ATP8B1: variants seen among roughly 807,000 people sequenced by gnomAD.
ATP8B1 encodes the protein ATPase phospholipid transporting 8B1.
Under a neutral mutation model 149.9 loss-of-function variants are expected in ATP8B1, and 80 were observed. The ratio of observed to expected loss-of-function variants is 0.53; its 90% CI spans 0.45 to 0.64. The LOEUF (loss-of-function observed/expected upper bound fraction) is 0.64. ATP8B1 is among the 30% of genes least tolerant of loss of function. The pLI, the probability that ATP8B1 is intolerant of heterozygous loss-of-function variation, is 0.00. For missense variants in ATP8B1, 1,247 were observed against 1,552.6 expected (o/e 0.80, Z 3.31); for synonymous variants, 536 against 562.8 (o/e 0.95, Z 0.67).
In ATP8B1 at chr18:57,802,415, G is replaced by A. The variant is rs1297039732; in HGVS notation, c.-26+583C>T. Among the ~76,000 whole-genome samples the A allele has an allele frequency of 1.3e-5, 2 of 152,098 alleles. No homozygotes were observed. Among genetic ancestry groups the A allele is most frequent in the African/African-American group, 4.8e-5 (2 of 41,414 alleles). On this transcript the variant is annotated intron_variant, in intron 1 of 27. Transcript: ENST00000648908. The surrounding 1 kb of genome is among the most constrained non-coding windows in gnomAD (Gnocchi z 4.9). ...TCCCCTCCCCATCCCACAATAAAGC[G>A]CACGGAAGATGTCTGGGAGTACCTG...
chr18:57,750,137 G>A (rs893989950), intron 1 of ATP8B1, among the ~76,000 whole-genome samples: 1 of 152,182 alleles, frequency 6.6e-6, no homozygotes, highest in South Asian at 2.1e-4. Context: ...CAGCTACTCA[G>A]AAGGCTGAAG....
At chr18:57,771,248 A>G (rs2123373427) in intron 1 of ATP8B1, among the ~76,000 whole-genome samples, 1 of 152,350 alleles carries the variant, frequency 6.6e-6, no homozygotes, top group South Asian at 2.1e-4. Flanking sequence ...TTATATCACA[A>G]CCACCTCCTA....
At chr18:57,728,088 G>A (rs537438204) in intron 2 of ATP8B1, among the ~76,000 whole-genome samples, 1 of 152,222 alleles carries the variant, frequency 6.6e-6, no homozygotes, top group East Asian at 1.9e-4. Context: ...CTCTGAATGG[G>A]TCTCTCAAAG....
rs944238104 is a variant in ATP8B1, at chr18:57,759,592, G to A, written c.-25-27760C>T. ...CGGGAGGCTGAGGCGGGCGGATCAC[G>A]AGGTCAGGAGATGGAGATCATCCTG... On this transcript the variant is annotated intron_variant, in intron 1 of 27. Coordinates refer to ENST00000648908, the MANE Select transcript of ATP8B1 (RefSeq NM_001374385.1). Among the ~76,000 whole-genome samples the A allele has an allele frequency of 4.0e-5, 6 of 151,842 alleles. No homozygotes were observed. The East Asian group carries it at 1.2e-3, about 29-fold the overall frequency.
At chr18:57,770,788 A>T (rs569769265) in intron 1 of ATP8B1, among the ~76,000 whole-genome samples, 1 of 152,238 alleles carries the variant, frequency 6.6e-6, no homozygotes, top group Non-Finnish European at 1.5e-5. Context: ...ACATGCCCCA[A>T]TGTTAAGGAC....
chr18:57,711,444 A>T (rs1177985094), intron 2 of ATP8B1, among the ~76,000 whole-genome samples: 2 of 152,246 alleles, frequency 1.3e-5, no homozygotes, highest in Non-Finnish European at 2.9e-5. Flanking sequence ...CATACACAAT[A>T]TGAATGCATA....
At chr18:57,757,993 A>G (rs918148812) in intron 1 of ATP8B1, among the ~76,000 whole-genome samples, 1 of 151,954 alleles carries the variant, frequency 6.6e-6, no homozygotes, top group Non-Finnish European at 1.5e-5. Flanking sequence ...CCTATTATAT[A>G]TATACTTATA....
intron 15 of ATP8B1, among the ~76,000 whole-genome samples, chr18:57,678,576 G>C (rs1294270215): frequency 7.4e-6 from 1 of 134,286 alleles, no homozygotes; most frequent in Non-Finnish European, 1.6e-5. Context: ...GATAGTTCGA[G>C]ATTCTATCTC....
intron 1 of ATP8B1, among the ~76,000 whole-genome samples, chr18:57,753,936 AAAAAAAAAAAAAGAAAGAAAGAAAAG>A (rs1457931336): frequency 0.046 from 3,117 of 67,144 alleles, 99 homozygotes; most frequent in African/African-American, 0.19. Context: ...TGTCTCAAAA[AAAAAAAAAAAAAGAAAGAAAGAAAAG>A]AAAAAAAAAA....
chr18:57,688,661 C>A, intron 12 of ATP8B1, 154 bp from the exon 13 acceptor site: 1 of 786,238 alleles, frequency 1.3e-6, no homozygotes. Context: ...TGTTGAAACC[C>A]AATCCCCAAT....
chr18:57,672,920 ATATATATATAT>A (rs1475265753), intron 16 of ATP8B1, among the ~76,000 whole-genome samples: 2,163 of 57,370 alleles, frequency 0.038, 210 homozygotes, highest in East Asian at 0.21. Flanking sequence ...ATATATATAT[ATATATATATAT>A]AACATGTATA....
At chr18:57,723,305 A>G (rs2079667993) in intron 2 of ATP8B1, among the ~76,000 whole-genome samples, 1 of 138,374 alleles carries the variant, frequency 7.2e-6, no homozygotes, top group Non-Finnish European at 1.5e-5. Flanking sequence ...GAGGAAGTCA[A>G]ATTGTCTCTG....
chr18:57,729,549 C>CTTTCTTTTTTTTTTT (rs1341032294), intron 2 of ATP8B1, among the ~76,000 whole-genome samples: 1 of 120,740 alleles, frequency 8.3e-6, no homozygotes, highest in African/African-American at 3.2e-5. Context: ...TTCTTTCTTT[C>CTTTCTTTTTTTTTTT]TTTTTTTTTT....
chr18:57,786,842 A>T (rs2080415417), intron 1 of ATP8B1, among the ~76,000 whole-genome samples: 2 of 152,240 alleles, frequency 1.3e-5, no homozygotes, highest in African/African-American at 4.8e-5. Flanking sequence ...CTAGAAACAC[A>T]AAAAAATGTT....
At chr18:57,671,824 G>C (rs1457481234) in intron 16 of ATP8B1, among the ~76,000 whole-genome samples, 1 of 151,836 alleles carries the variant, frequency 6.6e-6, no homozygotes, top group African/African-American at 2.4e-5. Flanking sequence ...GTCTCACTAT[G>C]TTACCCAGGC....
rs554046115 is a variant in ATP8B1 at position 57,731,379 on chromosome 18, A to ACG, written c.181+247_181+248insCG. On this transcript the variant is annotated intron_variant, in intron 2 of 27. Coordinates refer to ENST00000648908, the MANE Select transcript of ATP8B1 (RefSeq NM_001374385.1). Reference sequence around the variant, plus strand: ...TATATATATATATATATATATACACACACTAACAAAGACCTTAATGTATTT... The same window carrying ACG: ...TATATATATATATATATATATACACACGCACTAACAAAGACCTTAATGTATTT... 1,610 of 263,172 alleles carry ACG rather than the reference A, an allele frequency of 6.1e-3. 477 individuals carry two copies. The highest frequency in any genetic ancestry group is 0.016 in the South Asian group (499 of 31,318). 16.3% of individuals were successfully genotyped at this position (263,172 alleles called of 1,614,324 possible). A position where few individuals can be genotyped will look rare whatever the true frequency, so the allele number is the denominator to read the frequency against.
At chr18:57,751,100 G>A (rs1231550814) in intron 1 of ATP8B1, among the ~76,000 whole-genome samples, 2 of 152,112 alleles carry the variant, frequency 1.3e-5, no homozygotes, top group African/African-American at 4.8e-5. Flanking sequence ...CCCAGCCTGG[G>A]TAACAGAGCA....
chr18:57,758,101 C>T (rs2080103348), intron 1 of ATP8B1, among the ~76,000 whole-genome samples: 1 of 152,114 alleles, frequency 6.6e-6, no homozygotes, highest in Non-Finnish European at 1.5e-5. Flanking sequence ...TCAAACGATC[C>T]TCCCACCTCA....
intron 11 of ATP8B1, among the ~76,000 whole-genome samples, chr18:57,692,860 T>C (rs319449): frequency 0.76 from 115,498 of 152,176 alleles, 45,841 homozygotes; most frequent in Admixed American, 0.88. Flanking sequence ...AGTATTATGT[T>C]GTAGAAGTTA....
Sources: gnomAD v4.1 joint callset for allele counts (sites outside exome capture counted in the v4.1 genomes callset) on GRCh38, gnomAD v4.1.1 for gene constraint, Gnocchi (gnomAD v3.1) non-coding constraint, MANE v1.5 for transcripts, NCBI Gene and HGNC (gene_info 2026-07-23, HGNC 2026-07-21) for gene names.